SCN4A: variants seen among roughly 807,000 people sequenced by gnomAD.
SCN4A encodes the protein sodium voltage-gated channel alpha subunit 4.
A neutral mutation model predicts 162.0 loss-of-function variants in SCN4A; 83 were observed. The observed-to-expected ratio is 0.51, with a 90% CI of 0.43 to 0.61. The LOEUF is 0.61. Ranked by LOEUF, SCN4A falls within the 20% of genes least tolerant of loss-of-function variation. The probability of loss-of-function intolerance (pLI) is 0.00; values close to 1 mark genes in which losing one functional copy is unlikely to be tolerated. For synonymous variants in SCN4A, 944 were observed against 985.1 expected (o/e 0.96, Z 0.78); for missense variants, 2,196 against 2,462.5 (o/e 0.89, Z 2.29).
rs1908705926 is a variant in SCN4A, at chr17:63,945,995, A to G, written c.3442-357T>C. On this transcript the variant is annotated intron_variant, in intron 18 of 23. Transcript: ENST00000435607. This position sits in a 1 kb window ranked among gnomAD's most constrained non-coding sequence, Gnocchi z 4.4. ...AGCTCACGTGACCCAGCCCCTGCTC[A>G]TGGGTTTTCAGCCCCAGAGCCCCAG... Among the ~76,000 whole-genome samples, 1 of 152,118 alleles carries G rather than the reference A, an allele frequency of 6.6e-6. No homozygotes were observed. The highest frequency in any genetic ancestry group is 1.5e-5 in the Non-Finnish European group (1 of 68,000).
chr17:63,972,126 GGAGA>G lies in SCN4A; in HGVS notation c.482+6_482+9del. 1 of 1,606,096 alleles carries G rather than the reference GGAGA, an allele frequency of 6.2e-7. No individual in the cohort carries two copies. Among genetic ancestry groups the G allele is most frequent in the Non-Finnish European group, 8.5e-7 (1 of 1,174,054 alleles). ...CAGGGCTGGGGAGCTCAGGGAGCAG[GGAGA>G]CTTACTCCACATTCTTGGACCAGGG... On this transcript the variant is annotated splice_donor_region_variant and intron_variant, in intron 3 of 23. Coordinates refer to ENST00000435607, the MANE Select transcript of SCN4A (RefSeq NM_000334.4). This position sits in a 1 kb window ranked among gnomAD's most constrained non-coding sequence, Gnocchi z 4.3.
intron 12 of SCN4A, among the ~76,000 whole-genome samples, chr17:63,958,668 T>G (rs972304773): frequency 6.6e-6 from 1 of 152,172 alleles, no homozygotes; most frequent in Non-Finnish European, 1.5e-5. Context: ...TTCTCCTGCC[T>G]CAGCCTCCCA....
rs1263036698 is a variant in SCN4A, at chr17:63,947,229, G to T, written c.3319-62C>A. 3 of 1,600,960 alleles carry T rather than the reference G, an allele frequency of 1.9e-6. No individual in the cohort carries two copies. In the African/African-American group the frequency reaches 4.0e-5, roughly 21 times the overall value. ...GCCCCCAGCCTCCCCTCAAGCCCAGGCCACGGGGGTCTTCCTGGACTCACA... is the reference window on the plus strand; with the variant it reads ...GCCCCCAGCCTCCCCTCAAGCCCAGTCCACGGGGGTCTTCCTGGACTCACA... On this transcript the variant is annotated intron_variant, in intron 17 of 23. Coordinates refer to ENST00000435607, the MANE Select transcript of SCN4A (RefSeq NM_000334.4).
Position 63,941,424 on chromosome 17 carries a change from A to G in SCN4A, c.4858T>C (p.Phe1620Leu). The G allele has an allele frequency of 6.2e-7, 1 of 1,614,026 alleles. No homozygotes were observed. Among genetic ancestry groups the G allele is most frequent in the Non-Finnish European group, 8.5e-7 (1 of 1,180,020 alleles). Residue 1620 changes from phenylalanine to leucine, a missense_variant, in exon 24 of 24, where the codon TTC becomes CTC. Coordinates refer to ENST00000435607, the MANE Select transcript of SCN4A (RefSeq NM_000334.4). This position sits in a 1 kb window ranked among gnomAD's most constrained non-coding sequence, Gnocchi z 6.2. ...EPLGEDDFEM[F>L]YETWEKFDPD... ...TCGAACTTCTCCCATGTCTCGTAGA[A>G]CATCTCAAAGTCATCTTCACCAAGG...
At chr17:63,947,253 C>T (rs907436121) in intron 17 of SCN4A, 86 bp from the exon 18 acceptor site, 21 of 1,543,308 alleles carry the variant, frequency 1.4e-5, no homozygotes, top group Admixed American at 3.4e-5. Context: ...CCTGGACTCA[C>T]AGCTCCTGGT....
At chr17:63,966,814 C>T (rs1020906608) in intron 6 of SCN4A, among the ~76,000 whole-genome samples, 19 of 152,160 alleles carry the variant, frequency 1.2e-4, no homozygotes, top group Non-Finnish European at 1.2e-4. Flanking sequence ...AGAGACGGAA[C>T]GTGTACGTGT....
chr17:63,959,505 C>G, intron 11 of SCN4A, 67 bp from the exon 12 acceptor site: 2 of 1,461,192 alleles, frequency 1.4e-6, no homozygotes, highest in South Asian at 2.4e-5. Flanking sequence ...GTCTCCCACC[C>G]AACTCCCACC....
rs781505982 is a variant in SCN4A, at chr17:63,951,574, G to A, written c.2703C>T (p.Asp901=). The A allele has an allele frequency of 2.7e-5, 43 of 1,613,814 alleles. No individual in the cohort carries two copies. The South Asian group carries it at 4.1e-4, about 15-fold the overall frequency. ...CCAGCTCGAGGCTGGATGGGGGGCC[G>A]TCAGCCAGGCCCATGTGGTTCAGGA... ...NHILNHMGLA[D]GPPSSLELDH... Residue 901 remains aspartate (D), a synonymous_variant, in exon 14 of 24, where the codon GAC becomes GAT. Transcript: ENST00000435607. The surrounding 1 kb of genome is among the most constrained non-coding windows in gnomAD (Gnocchi z 4.5).
Position 63,947,101 on chromosome 17 carries a change from G to T in SCN4A, c.3385C>A (p.Arg1129=), listed in dbSNP as rs772071113. The change falls in exon 18 of 24, where the codon CGG becomes AGG. Residue 1129 remains arginine (R), a synonymous_variant. Transcript: ENST00000435607. ...AGGGGACGCAGGGCCCGCAGTGTCC[G>T]CAGGGATTTGATGGGTCCCAGCTCC... The part of the protein sequence containing the change: ...YSELGPIKSL[R]TLRALRPLRA... 4.5e-6 allele frequency: 7 copies of T among 1,567,074 alleles called. No individual in the cohort carries two copies. The Admixed American group carries it at 1.2e-4, about 27-fold the overall frequency.
chr17:63,954,393 T>C (rs965123137), intron 13 of SCN4A, among the ~76,000 whole-genome samples: 1 of 152,054 alleles, frequency 6.6e-6, no homozygotes, highest in Non-Finnish European at 1.5e-5. Flanking sequence ...AGGCATCCAG[T>C]TGCCAGAAAC....
chr17:63,942,313 G>A (rs1451423161), intron 23 of SCN4A, among the ~76,000 whole-genome samples: 4 of 152,032 alleles, frequency 2.6e-5, no homozygotes, highest in Admixed American at 1.3e-4. Context: ...CAGAGAGAGA[G>A]AGACAGAGAG....
At chr17:63,966,081 G>T in intron 8 of SCN4A, 21 bp downstream of exon 8, 2 of 1,537,776 alleles carry the variant, frequency 1.3e-6, no homozygotes, top group East Asian at 2.4e-5. Flanking sequence ...GGGTTGGGGG[G>T]CAGGGTGGGG....
chr17:63,947,676 C>T (rs747952640), intron 17 of SCN4A, among the ~76,000 whole-genome samples: 29 of 152,216 alleles, frequency 1.9e-4, no homozygotes, highest in Non-Finnish European at 4.1e-4. Context: ...TGCTGTCTTC[C>T]CCCAAGGCCT....
chr17:63,960,504 C>T (rs933973096), intron 11 of SCN4A, among the ~76,000 whole-genome samples: 2 of 152,206 alleles, frequency 1.3e-5, no homozygotes, highest in African/African-American at 2.4e-5. Flanking sequence ...GAGCATCTCG[C>T]CCATTTGCCG....
intron 10 of SCN4A, among the ~76,000 whole-genome samples, chr17:63,962,833 C>T (rs552215784): frequency 1.3e-5 from 2 of 152,296 alleles, no homozygotes; most frequent in South Asian, 2.1e-4. Context: ...GAGGCCTCCT[C>T]CCCCAGCATT....
At chr17:63,964,420 G>C (rs1032366637) in intron 9 of SCN4A, 48 bp downstream of exon 9, 1 of 1,560,128 alleles carries the variant, frequency 6.4e-7, no homozygotes, top group Admixed American at 1.7e-5. Context: ...CCCCGGCTGA[G>C]GGCAGGTAGA....
rs926552028 is a variant in SCN4A, at chr17:63,950,442, C to T, written c.2854-914G>A. ...CCTTGAACAAGTCCCCAGGCCCCGG[C>T]CCCGGCCCCGGGGAGCCTGGGACTT... is the stretch of plus-strand genomic sequence containing the variant. On this transcript the variant is annotated intron_variant, in intron 14 of 23. Coordinates refer to ENST00000435607, the MANE Select transcript of SCN4A (RefSeq NM_000334.4). This position sits in a 1 kb window ranked among gnomAD's most constrained non-coding sequence, Gnocchi z 4.6. 3.9e-5 allele frequency among the ~76,000 whole-genome samples: 6 copies of T among 152,182 alleles called. No homozygotes were observed. Among genetic ancestry groups the T allele is most frequent in the Non-Finnish European group, 8.8e-5 (6 of 68,032 alleles).
intron 13 of SCN4A, among the ~76,000 whole-genome samples, chr17:63,953,108 C>T (rs1175916092): frequency 1.3e-5 from 2 of 152,196 alleles, no homozygotes; most frequent in Admixed American, 6.5e-5. Flanking sequence ...CACCTATAAT[C>T]CCAGCACTTT....
Position 63,959,412 on chromosome 17 carries a change from C to T in SCN4A, c.1872G>A (p.Glu624=), listed in dbSNP as rs763657271. The part of the protein sequence containing the change: ...NLVFTGIFTA[E]MVLKLIAMDP... ...CCATGGCAATCAGCTTCAGAACCATCTCTGCTGTGAAGATGCCTGTGAAGA... is the reference window on the plus strand; with the variant it reads ...CCATGGCAATCAGCTTCAGAACCATTTCTGCTGTGAAGATGCCTGTGAAGA... The change falls in exon 12 of 24, where the codon GAG becomes GAA. Residue 624 remains glutamate, a synonymous_variant. Transcript: ENST00000435607. 32 of 1,613,804 alleles carry T rather than the reference C, an allele frequency of 2.0e-5. No homozygotes were observed. The highest frequency in any genetic ancestry group is 1.3e-5 in the Non-Finnish European group (15 of 1,179,832).
Sources: gnomAD v4.1 joint callset for allele counts (sites outside exome capture counted in the v4.1 genomes callset) on GRCh38, gnomAD v4.1.1 for gene constraint, Gnocchi (gnomAD v3.1) non-coding constraint, MANE v1.5 for transcripts, NCBI Gene and HGNC (gene_info 2026-07-23, HGNC 2026-07-21) for gene names.